Variants in AKAP3 observed in about 807,000 individuals in gnomAD.
AKAP3 encodes the protein A-kinase anchor protein 3.
In AKAP3, 27 loss-of-function variants were observed where a neutral mutation model predicts 57.2. That is an observed-to-expected ratio of 0.47 (90% CI 0.35 to 0.65). The LOEUF (loss-of-function observed/expected upper bound fraction) is 0.65, where lower values mean the gene tolerates loss of function less well. Ranked by LOEUF, AKAP3 falls within the 30% of genes least tolerant of loss-of-function variation. AKAP3 has a pLI of 0.01. For missense variants in AKAP3, 959 were observed against 1,040.0 expected, an observed-to-expected ratio of 0.92 and a Z score of 1.07; for synonymous variants, 334 against 392.3, an observed-to-expected ratio of 0.85 and a Z score of 1.76.
chr12:4,641,403 A>G (rs1221044471), intron 3 of AKAP3, among the ~76,000 whole-genome samples: 1 of 152,124 alleles, frequency 6.6e-6, no homozygotes, highest in Non-Finnish European at 1.5e-5. Flanking sequence ...TAGTAGGGAC[A>G]GGGTTTCACC....
chr12:4,638,276 C>A, intron 3 of AKAP3, 80 bp from the exon 4 acceptor site: 1 of 1,001,734 alleles, frequency 1.0e-6, no homozygotes. Context: ...TGGTAAAGGG[C>A]TAAAGCACGG....
At chr12:4,638,019 G>T in intron 4 of AKAP3, 82 bp downstream of exon 4, 1 of 1,148,682 alleles carries the variant, frequency 8.7e-7, no homozygotes, top group Non-Finnish European at 1.3e-6. Context: ...AGAGGTTGGT[G>T]GTATGGTGGA....
At chr12:4,643,439 G>T (rs1353964636) in intron 2 of AKAP3, among the ~76,000 whole-genome samples, 1 of 151,726 alleles carries the variant, frequency 6.6e-6, no homozygotes, top group African/African-American at 2.4e-5. Flanking sequence ...TAATATCCTG[G>T]AGTTAGGGTA....
intron 5 of AKAP3, among the ~76,000 whole-genome samples, chr12:4,623,151 T>G (rs987210928): frequency 2.0e-5 from 3 of 152,200 alleles, no homozygotes; most frequent in Non-Finnish European, 4.4e-5. Context: ...ACTTATACAC[T>G]GTTGGTGGGA....
intron 4 of AKAP3, among the ~76,000 whole-genome samples, chr12:4,636,678 G>A (rs1444095850): frequency 6.6e-6 from 1 of 152,070 alleles, no homozygotes; most frequent in Non-Finnish European, 1.5e-5. Flanking sequence ...TATATAGATC[G>A]ACCAGATTTG....
intron 5 of AKAP3, among the ~76,000 whole-genome samples, chr12:4,616,222 T>G (rs1945283536): frequency 6.6e-6 from 1 of 152,168 alleles, no homozygotes; most frequent in South Asian, 2.1e-4. Flanking sequence ...GGATGCTGCT[T>G]TCCATGCCCC....
In AKAP3 at chr12:4,615,677, A is replaced by G; in HGVS notation, c.*62T>C. 1 of 1,564,456 alleles carries G rather than the reference A, an allele frequency of 6.4e-7. No homozygotes were observed. Among genetic ancestry groups the G allele is most frequent in the South Asian group, 1.2e-5 (1 of 83,472 alleles). ...AGAGGGGGAGATGTGGAAGTGAGAA[A>G]GAAGGGCGGGGATAAGGGCCGGCCC... On this transcript the variant is annotated 3_prime_UTR_variant, in exon 6 of 6. Coordinates refer to ENST00000228850, the MANE Select transcript of AKAP3 (RefSeq NM_001278309.2).
At position 4,628,042 on chromosome 12, in the gene AKAP3, G is replaced by C. The variant is rs781691588; in HGVS notation, c.860C>G (p.Thr287Ser). ...FTASVSEGIM[T>S]YANSVVSDMM... ...ATCAGATACCACACTGTTAGCATAGGTCATGATCCCTTCACTAACAGAAGC... is the reference window on the plus strand; with the variant it reads ...ATCAGATACCACACTGTTAGCATAGCTCATGATCCCTTCACTAACAGAAGC... Residue 287 changes from threonine (T) to serine (S), a missense_variant, in exon 5 of 6, where the codon ACC (threonine) becomes AGC (serine). Coordinates refer to ENST00000228850, the MANE Select transcript of AKAP3 (RefSeq NM_001278309.2). The C allele has an allele frequency of 4.3e-6, 7 of 1,614,088 alleles. No homozygotes were observed. Among genetic ancestry groups the C allele is most frequent in the South Asian group, 1.1e-5 (1 of 91,076 alleles).
Position 4,628,659 on chromosome 12 carries a change from G to T in AKAP3, c.243C>A (p.Phe81Leu), listed in dbSNP as rs200300900. The T allele has an allele frequency of 2.0e-4, 325 of 1,614,226 alleles. 4 individuals are homozygous for T. In the South Asian group the frequency reaches 3.0e-3, roughly 15 times the overall value. ...TGGTGGTGTTGTAATAGTCTACAGA[G>T]AAACCTTTGTGTGGGTCTCCTGAGT... is the stretch of plus-strand genomic sequence containing the variant. ...TSNSGDPHKG[F>L]SVDYYNTTTK... Residue 81 changes from phenylalanine to leucine, a missense_variant, in exon 5 of 6, where the codon TTC becomes TTA. Physicochemically the swap from Phe to Leu is conservative, Grantham distance 22 (BLOSUM62 0). Transcript: ENST00000228850.
In AKAP3 at chr12:4,626,860, C is replaced by A; in HGVS notation, c.2042G>T (p.Cys681Phe). The stretch of plus-strand genomic sequence containing the variant: ...ATCACAGGACTTAGCAATGATGACA[C>A]ACAGCTTCATCACTGAGTTCATCAG... Reference protein sequence around the residue: ...EHLMNSVMKLCVIIAKSCDAS... With the variant: ...EHLMNSVMKLFVIIAKSCDAS... The change falls in exon 5 of 6, where the codon TGT becomes TTT. Residue 681 changes from cysteine (C) to phenylalanine (F), a missense_variant. By Grantham distance (205) the Cys-to-Phe change is radical (BLOSUM62 -2). Coordinates refer to ENST00000228850, the MANE Select transcript of AKAP3 (RefSeq NM_001278309.2). The A allele has an allele frequency of 1.2e-6, 2 of 1,610,884 alleles. No homozygotes were observed. The highest frequency in any genetic ancestry group is 1.7e-6 in the Non-Finnish European group (2 of 1,179,356).
intron 4 of AKAP3, among the ~76,000 whole-genome samples, chr12:4,633,598 C>T (rs1382619443): frequency 6.6e-6 from 1 of 151,920 alleles, no homozygotes; most frequent in Non-Finnish European, 1.5e-5. Context: ...TCTTACACAA[C>T]TATAGTATTC....
At position 4,633,675 on chromosome 12, in the gene AKAP3, G is replaced by A. The variant is rs540045404; in HGVS notation, c.96+4426C>T. 1.2e-4 allele frequency among the ~76,000 whole-genome samples: 18 copies of A among 146,610 alleles called. No individual in the cohort carries two copies. In the South Asian group the frequency reaches 4.1e-3, roughly 34 times the overall value. On this transcript the variant is annotated intron_variant, in intron 4 of 5. Transcript: ENST00000228850. ...TCTGAATCCTGGGGCAAGTTTTCATGTCCATGAAGGAGAATATAAGAAGAG... is the reference window on the plus strand; with the variant it reads ...TCTGAATCCTGGGGCAAGTTTTCATATCCATGAAGGAGAATATAAGAAGAG...
chr12:4,648,584 T>C (rs1245206805), intron 1 of AKAP3, 161 bp downstream of exon 1: 1 of 152,414 alleles, frequency 6.6e-6, no homozygotes, highest in Non-Finnish European at 1.5e-5. Flanking sequence ...TATGAGAGAA[T>C]GTGCTTGGCG....
chr12:4,630,735 T>A (rs1267865942), intron 4 of AKAP3, among the ~76,000 whole-genome samples: 1 of 152,202 alleles, frequency 6.6e-6, no homozygotes, highest in Non-Finnish European at 1.5e-5. Flanking sequence ...CTGACATCAA[T>A]GCAATATAAT....
chr12:4,640,317 A>G (rs1007589116), intron 3 of AKAP3, among the ~76,000 whole-genome samples: 1 of 152,238 alleles, frequency 6.6e-6, no homozygotes, highest in Non-Finnish European at 1.5e-5. Context: ...TGATTCCAAC[A>G]AAATACTTGT....
chr12:4,629,754 G>C (rs780050126), intron 4 of AKAP3, among the ~76,000 whole-genome samples: 1 of 151,890 alleles, frequency 6.6e-6, no homozygotes, highest in Non-Finnish European at 1.5e-5. Context: ...TTTTTATTTC[G>C]ATCTTATTAC....
chr12:4,618,543 C>T (rs907951892), intron 5 of AKAP3, among the ~76,000 whole-genome samples: 7 of 152,202 alleles, frequency 4.6e-5, no homozygotes, highest in African/African-American at 1.7e-4. Context: ...TCTTCATGGC[C>T]TTGCATAGGT....
At position 4,644,115 on chromosome 12, in the gene AKAP3, T is replaced by TTG. The variant is rs146123845; in HGVS notation, c.-107+938_-107+939dup. 1.5e-4 allele frequency among the ~76,000 whole-genome samples: 23 copies of TTG among 152,104 alleles called. No homozygotes were observed. The East Asian group carries it at 1.7e-3, about 11-fold the overall frequency. On this transcript the variant is annotated intron_variant, in intron 2 of 5. Transcript: ENST00000228850. ...CAATCGATTTTCTTTAAATAAAGAT[T>TTG]TGTGTGTGTGTGTGTCTCAATGGCA...
chr12:4,634,954 T>G (rs181710415), intron 4 of AKAP3, among the ~76,000 whole-genome samples: 2 of 152,302 alleles, frequency 1.3e-5, no homozygotes, highest in East Asian at 3.9e-4. Context: ...AAAAAGAATG[T>G]TTTTTGAAAA....
Sources: allele counts gnomAD v4.1 joint callset (sites outside exome capture counted in the v4.1 genomes callset), GRCh38; gene constraint gnomAD v4.1.1; transcripts MANE v1.5; gene names NCBI Gene and HGNC (gene_info 2026-07-23, HGNC 2026-07-21).